The following CLPTM1L variants were observed in gnomAD, a reference collection of about 807,000 sequenced individuals.
CLPTM1L encodes the protein CLPTM1 like.
CLPTM1L carries 38 observed loss-of-function variants against 70.9 expected under a neutral mutation model. The ratio of observed to expected loss-of-function variants is 0.54; its 90% CI spans 0.41 to 0.70. CLPTM1L has a LOEUF of 0.70. CLPTM1L is among the 30% of genes least tolerant of loss of function. The probability of loss-of-function intolerance (pLI) is 0.00; values close to 1 mark genes in which losing one functional copy is unlikely to be tolerated. For synonymous variants in CLPTM1L, 339 were observed against 299.9 expected (o/e 1.13, Z -1.35); for missense variants, 652 against 705.9 (o/e 0.92, Z 0.87).
At chr5:1,336,876 A>C (rs1248157080) in intron 5 of CLPTM1L, among the ~76,000 whole-genome samples, 2 of 152,336 alleles carry the variant, frequency 1.3e-5, no homozygotes, top group East Asian at 3.9e-4. Context: ...AGCCGCAGTC[A>C]GGAGGAGGCA....
At chr5:1,328,528 A>AGACACATTTCATCCAGCTCCTCCTCTACG (rs1262782832) in intron 9 of CLPTM1L, among the ~76,000 whole-genome samples, 4 of 146,306 alleles carry the variant, frequency 2.7e-5, no homozygotes, top group Admixed American at 6.8e-5. Flanking sequence ...CCTCCTCTGC[A>AGACACATTTCATCCAGCTCCTCCTCTACG]GACACATTTC....
rs540755114 is a variant in CLPTM1L at position 1,324,915 on chromosome 5, C to A, written c.1147-102G>T. On this transcript the variant is annotated intron_variant, in intron 10 of 16. Transcript: ENST00000320895. ...GTCACATATGGCTGCAGAGCTGACC[C>A]AGGCCTCACTACAGAGGGCGCTCAG... 9 of 1,092,126 alleles carry A rather than the reference C, an allele frequency of 8.2e-6. No homozygotes were observed. The East Asian group carries it at 1.9e-4, about 23-fold the overall frequency. 67.7% of individuals were successfully genotyped at this position (1,092,126 alleles called of 1,614,324 possible). A position where few individuals can be genotyped will look rare whatever the true frequency, so the allele number is the denominator to read the frequency against.
chr5:1,326,379 A>C, intron 9 of CLPTM1L: 2 of 230,386 alleles, frequency 8.7e-6, no homozygotes, highest in South Asian at 5.4e-5. Flanking sequence ...TCCTCTACAG[A>C]CACATTTCAT....
At chr5:1,340,487 G>A (rs1236686725) in intron 3 of CLPTM1L, among the ~76,000 whole-genome samples, 1 of 152,124 alleles carries the variant, frequency 6.6e-6, no homozygotes, top group South Asian at 2.1e-4. Context: ...CATTACAAAC[G>A]GTTTTCCACA....
intron 11 of CLPTM1L, 96 bp from the exon 12 acceptor site, chr5:1,323,965 C>T (rs1026135871): frequency 1.7e-5 from 16 of 950,956 alleles, no homozygotes; most frequent in Admixed American, 3.8e-5. Context: ...ACAGACAGAA[C>T]GAGCTACAGC....
chr5:1,329,759 GGCCTCAGGACTCTCTGCCTGGTGGACAGA>G (rs1752956904), intron 9 of CLPTM1L, among the ~76,000 whole-genome samples: 4 of 71,570 alleles, frequency 5.6e-5, no homozygotes, highest in Admixed American at 1.2e-4. Context: ...TGGTGGACAG[GGCCTCAGGACTCTCTGCCTGGTGGACAGA>G]GCCTCAGGAC....
At chr5:1,321,348 G>T (rs59669852) in intron 15 of CLPTM1L, among the ~76,000 whole-genome samples, 13,649 of 152,288 alleles carry the variant, frequency 0.09, 1,587 homozygotes, top group African/African-American at 0.28. Flanking sequence ...GCCACAGGGG[G>T]TCTGTGTCTT....
intron 2 of CLPTM1L, 65 bp downstream of exon 2, chr5:1,344,286 C>G: frequency 8.8e-7 from 1 of 1,131,574 alleles, no homozygotes; most frequent in Non-Finnish European, 1.3e-6. Flanking sequence ...AGAAAGCTAA[C>G]TTTTAAACAA....
rs185066122 is a variant in CLPTM1L at position 1,342,931 on chromosome 5, G to A, written c.264-1071C>T. On this transcript the variant is annotated intron_variant, in intron 2 of 16. Transcript: ENST00000320895. The surrounding 1 kb of genome is among the most constrained non-coding windows in gnomAD (Gnocchi z 4.3). The stretch of plus-strand genomic sequence containing the variant: ...CGGTTGGCCGGGTGCGGCGGCTCAC[G>A]CCTGTAATCCCAGCACCTTGGGAGG... Among the ~76,000 whole-genome samples the A allele has an allele frequency of 8.5e-5, 13 of 152,326 alleles. No individual in the cohort carries two copies. The highest frequency in any genetic ancestry group is 2.6e-4 in the African/African-American group (11 of 41,574).
chr5:1,318,530 CGAT>C lies in CLPTM1L; in HGVS notation c.1533-80_1533-78del. On this transcript the variant is annotated intron_variant, in intron 16 of 16. Coordinates refer to ENST00000320895, the MANE Select transcript of CLPTM1L (RefSeq NM_030782.5). The surrounding 1 kb of genome is among the most constrained non-coding windows in gnomAD (Gnocchi z 8.9). ...TTCTAAGAGGAGGACTTGGCATCCT[CGAT>C]TTATTTTCCAGTGAGCTGCCACAGT... 2 of 1,225,614 alleles carry C rather than the reference CGAT, an allele frequency of 1.6e-6. No individual in the cohort carries two copies. Among genetic ancestry groups the C allele is most frequent in the Non-Finnish European group, 2.4e-6 (2 of 841,460 alleles). The allele number at this position is 1,225,614 out of a possible 1,614,324, so 75.9% of individuals were successfully genotyped here.
At chr5:1,338,262 G>A (rs148224742) in intron 4 of CLPTM1L, 10,252 of 514,230 alleles carry the variant, frequency 0.02, 127 homozygotes, top group Middle Eastern at 0.032. Context: ...GGACACGGCC[G>A]TACAGCAGAA....
At chr5:1,323,757 G>A (rs201262528) in intron 12 of CLPTM1L, 30 bp downstream of exon 12, 21 of 1,574,700 alleles carry the variant, frequency 1.3e-5, no homozygotes, top group Middle Eastern at 3.3e-4. Flanking sequence ...GGGGAAAGAC[G>A]CAGCAGGGGA....
At chr5:1,341,911 T>C (rs759650483) in intron 2 of CLPTM1L, 51 bp from the exon 3 acceptor site, 16 of 1,426,002 alleles carry the variant, frequency 1.1e-5, no homozygotes, top group Admixed American at 1.0e-4. Flanking sequence ...TCTGGGTCTC[T>C]AGAACCTATT....
intron 7 of CLPTM1L, 91 bp from the exon 8 acceptor site, chr5:1,331,974 A>G (rs1753123103): frequency 1.9e-6 from 2 of 1,025,842 alleles, no homozygotes; most frequent in Middle Eastern, 2.0e-4. Flanking sequence ...TGACCGTGAG[A>G]CTGCAGGTGT....
At chr5:1,341,434 C>G (rs1036195650) in intron 3 of CLPTM1L, among the ~76,000 whole-genome samples, 2 of 152,146 alleles carry the variant, frequency 1.3e-5, no homozygotes, top group South Asian at 2.1e-4. Context: ...GACTCTGCAT[C>G]GAGAATGCCA....
intron 7 of CLPTM1L, among the ~76,000 whole-genome samples, chr5:1,332,686 A>C (rs1021494600): frequency 3.3e-5 from 5 of 152,208 alleles, no homozygotes; most frequent in Non-Finnish European, 5.9e-5. Flanking sequence ...GATGAGACAG[A>C]TATTCTGAGA....
At chr5:1,331,764 G>A in intron 8 of CLPTM1L, 35 bp downstream of exon 8, 3 of 1,587,034 alleles carry the variant, frequency 1.9e-6, no homozygotes, top group Non-Finnish European at 2.6e-6. Context: ...CCCTGGGGCA[G>A]AGTATCTGAG....
intron 4 of CLPTM1L, chr5:1,338,266 A>G (rs1753711549): frequency 2.0e-6 from 1 of 502,940 alleles, no homozygotes. Flanking sequence ...ACGGCCGTAC[A>G]GCAGAACCCA....
chr5:1,338,778 A>C, intron 4 of CLPTM1L, 82 bp downstream of exon 4: 1 of 1,550,430 alleles, frequency 6.4e-7, no homozygotes, highest in Non-Finnish European at 8.8e-7. Flanking sequence ...TCCACGGTGC[A>C]GGAGTGACCT....
Sources: gnomAD v4.1 joint callset for allele counts (sites outside exome capture counted in the v4.1 genomes callset) on GRCh38, gnomAD v4.1.1 for gene constraint, Gnocchi (gnomAD v3.1) non-coding constraint, MANE v1.5 for transcripts, NCBI Gene and HGNC (gene_info 2026-07-23, HGNC 2026-07-21) for gene names.